SEC61A2: variants seen among roughly 807,000 people sequenced by gnomAD.
SEC61A2 encodes SEC61 translocon subunit alpha 2, also known as protein transport protein Sec61 subunit alpha isoform 2.
A neutral mutation model predicts 59.9 loss-of-function variants in SEC61A2; 28 were observed. The ratio of observed to expected loss-of-function variants is 0.47; its 90% CI spans 0.35 to 0.64. The LOEUF (loss-of-function observed/expected upper bound fraction) is 0.64. Among genes scored for constraint, SEC61A2 ranks in the 30% least tolerant of loss-of-function variants. The pLI is 0.01. For synonymous variants in SEC61A2, 202 were observed against 214.4 expected, an observed-to-expected ratio of 0.94 and a Z score of 0.50; for missense variants, 340 against 585.9, an observed-to-expected ratio of 0.58 and a Z score of 4.33.
downstream of SEC61A2, chr10:12,168,036 T>C: frequency 1.1e-6 from 1 of 870,856 alleles, no homozygotes; most frequent in Non-Finnish European, 1.6e-6. The surrounding 1 kb of genome is among the most constrained non-coding windows in gnomAD (Gnocchi z 4.8). Flanking sequence ...GATTTTTTTT[T>C]TTTTTGGTGA....
At position 12,164,132 on chromosome 10, in the gene SEC61A2, C is replaced by A; in HGVS notation, c.1245-136C>A. ...GCCGTGCCCTGCACACCCCTCCACA[C>A]TGCAGCCTGTTCCCTCTGGAGTTCA... On this transcript the variant is annotated intron_variant, in intron 11 of 11. Transcript: ENST00000298428. This position sits in a 1 kb window ranked among gnomAD's most constrained non-coding sequence, Gnocchi z 7.3. 1.0e-6 allele frequency: 1 copy of A among 962,758 alleles called. No homozygotes were observed. The highest frequency in any genetic ancestry group is 1.5e-6 in the Non-Finnish European group (1 of 657,570). The allele number at this position is 962,758 out of a possible 1,614,324, so 59.6% of individuals were successfully genotyped here.
chr10:12,161,298 G>A lies in SEC61A2; in HGVS notation c.1167+177G>A, dbSNP rs1834521769. 2.6e-5 allele frequency among the ~76,000 whole-genome samples: 4 copies of A among 152,042 alleles called. No homozygotes were observed. Among genetic ancestry groups the A allele is most frequent in the South Asian group, 2.1e-4 (1 of 4,828 alleles). ...GACTAAAAAAATACAAATAAAAATC[G>A]GCCGGGCACGGTGGTGCAAGCCCGT... On this transcript the variant is annotated intron_variant, in intron 10 of 11. Transcript: ENST00000298428. The surrounding 1 kb of genome is among the most constrained non-coding windows in gnomAD (Gnocchi z 5.4).
At position 12,153,558 on chromosome 10, in the gene SEC61A2, G is replaced by T. The variant is rs1834329506; in HGVS notation, c.463-2220G>T. Reference sequence around the variant, plus strand: ...TTTTGCTGTTCATTTTCAGTATTCAGAAATCAGAAATACTTACAGTCCAAG... The same window carrying T: ...TTTTGCTGTTCATTTTCAGTATTCATAAATCAGAAATACTTACAGTCCAAG... On this transcript the variant is annotated intron_variant, in intron 6 of 11. Coordinates refer to ENST00000298428, the MANE Select transcript of SEC61A2 (RefSeq NM_018144.4). The surrounding 1 kb of genome is among the most constrained non-coding windows in gnomAD (Gnocchi z 5.2). Among the ~76,000 whole-genome samples, 1 of 152,162 alleles carries T rather than the reference G, an allele frequency of 6.6e-6. No individual in the cohort carries two copies. Among genetic ancestry groups the T allele is most frequent in the African/African-American group, 2.4e-5 (1 of 41,438 alleles).
intron 3 of SEC61A2, among the ~76,000 whole-genome samples, chr10:12,140,066 AGCAGAAGTAAAGAATT>A (rs1232844855): frequency 2.6e-5 from 4 of 152,038 alleles, no homozygotes; most frequent in African/African-American, 9.7e-5. Flanking sequence ...GAGCTTTTGT[AGCAGAAGTAAAGAATT>A]GCAGAAGTAA....
intron 4 of SEC61A2, among the ~76,000 whole-genome samples, chr10:12,146,804 C>T (rs1229749438): frequency 6.6e-6 from 1 of 152,190 alleles, no homozygotes; most frequent in Non-Finnish European, 1.5e-5. Flanking sequence ...AGGTGTGAGC[C>T]ACCGCGCCCA....
chr10:12,151,011 G>A (rs1050606177), intron 6 of SEC61A2, among the ~76,000 whole-genome samples: 1 of 151,784 alleles, frequency 6.6e-6, no homozygotes, highest in Non-Finnish European at 1.5e-5. Context: ...TCCTGACCTC[G>A]TGATTCGCCC....
rs1834612551 is a variant in SEC61A2, at chr10:12,164,394, T to C, written c.1371T>C (p.Tyr457=). 1.2e-6 allele frequency: 2 copies of C among 1,614,030 alleles called. No individual in the cohort carries two copies. The highest frequency in any genetic ancestry group is 3.3e-5 in the Admixed American group (2 of 59,994). Residue 457 remains tyrosine, a synonymous_variant, in exon 12 of 12, where the codon TAT becomes TAC. Transcript: ENST00000298428. The surrounding 1 kb of genome is among the most constrained non-coding windows in gnomAD (Gnocchi z 7.3). ...ILLAVTIIYQ[Y]FEIFVKEQAE... ...TAGCAGTCACTATTATTTACCAGTATTTTGAAATATTTGTTAAAGAACAGG... is the reference window on the plus strand; with the variant it reads ...TAGCAGTCACTATTATTTACCAGTACTTTGAAATATTTGTTAAAGAACAGG...
intron 3 of SEC61A2, among the ~76,000 whole-genome samples, chr10:12,137,919 C>G (rs1209305246): frequency 2.0e-5 from 3 of 151,994 alleles, no homozygotes; most frequent in Non-Finnish European, 2.9e-5. Context: ...GGCAGGAGAA[C>G]CACTTGAACC....
Position 12,155,696 on chromosome 10 carries a change from C to A in SEC61A2, c.463-82C>A. On this transcript the variant is annotated intron_variant, in intron 6 of 11. Coordinates refer to ENST00000298428, the MANE Select transcript of SEC61A2 (RefSeq NM_018144.4). The surrounding 1 kb of genome is among the most constrained non-coding windows in gnomAD (Gnocchi z 4.3). ...GCCTTAATATTCAAAACGCCCCTAG[C>A]TTGGAAATAGCCAATGGTGTTCCTC... The A allele has an allele frequency of 6.6e-7, 1 of 1,525,392 alleles. No homozygotes were observed. Among genetic ancestry groups the A allele is most frequent in the Admixed American group, 1.7e-5 (1 of 58,132 alleles). 94.5% of individuals were successfully genotyped at this position (1,525,392 alleles called of 1,614,324 possible). A position where few individuals can be genotyped will look rare whatever the true frequency, so the allele number is the denominator to read the frequency against.
At chr10:12,167,881 G>A, downstream of SEC61A2, 1 of 1,597,572 alleles carries the variant, frequency 6.3e-7, no homozygotes, top group Non-Finnish European at 8.5e-7. Flanking sequence ...TTCAATCAGT[G>A]TTTGCGCAGC....
In SEC61A2 at chr10:12,164,328, T is replaced by C; in HGVS notation, c.1305T>C (p.Ala435=). ...GLCIGALSVL[A]DFLGAIGSGT... is the part of the protein sequence containing the mutation. ...GCATTGGCGCCCTGTCAGTGCTGGC[T>C]GACTTCCTGGGGGCCATTGGATCTG... Residue 435 remains alanine (A), a synonymous_variant, in exon 12 of 12, where the codon GCT becomes GCC. Coordinates refer to ENST00000298428, the MANE Select transcript of SEC61A2 (RefSeq NM_018144.4). This position sits in a 1 kb window ranked among gnomAD's most constrained non-coding sequence, Gnocchi z 7.3. The C allele has an allele frequency of 1.2e-6, 2 of 1,614,118 alleles. No homozygotes were observed. Among genetic ancestry groups the C allele is most frequent in the South Asian group, 2.2e-5 (2 of 91,082 alleles).
chr10:12,165,500 T>C (rs1308583328), downstream of SEC61A2: 1 of 341,036 alleles, frequency 2.9e-6, no homozygotes, highest in Non-Finnish European at 4.1e-6. Flanking sequence ...CACTTCAAAC[T>C]TTAATCCTAA....
chr10:12,165,643 T>C (rs1416590355), downstream of SEC61A2: 1 of 152,462 alleles, frequency 6.6e-6, no homozygotes, highest in East Asian at 1.9e-4. Context: ...GCATAGATCT[T>C]GGTAAATCAT....
rs1564416721 is a variant in SEC61A2, at chr10:12,160,936, A to C, written c.982A>C (p.Ser328Arg). The change falls in exon 10 of 12, where the codon AGT becomes CGT. Residue 328 changes from serine to arginine, a missense_variant. Coordinates refer to ENST00000298428, the MANE Select transcript of SEC61A2 (RefSeq NM_018144.4). The surrounding 1 kb of genome is among the most constrained non-coding windows in gnomAD (Gnocchi z 4.1). Reference protein sequence around the residue: ...VNLLGQWADVSGGGPARSYPV... With the variant: ...VNLLGQWADVRGGGPARSYPV... ...TTGTACTCCTGTTCTGTAGGATGTC[A>C]GTGGGGGAGGACCCGCACGTTCTTA... 1 of 1,612,240 alleles carries C rather than the reference A, an allele frequency of 6.2e-7. No homozygotes were observed. The highest frequency in any genetic ancestry group is 1.7e-5 in the Admixed American group (1 of 59,628).
At position 12,149,701 on chromosome 10, in the gene SEC61A2, A is replaced by G. The variant is rs756927243; in HGVS notation, c.327A>G (p.Arg109=). 2 of 1,612,932 alleles carry G rather than the reference A, an allele frequency of 1.2e-6. No homozygotes were observed. The highest frequency in any genetic ancestry group is 1.1e-5 in the South Asian group (1 of 90,760). The change falls in exon 5 of 12, where the codon AGA becomes AGG. Residue 109 remains arginine (R), a synonymous_variant. Coordinates refer to ENST00000298428, the MANE Select transcript of SEC61A2 (RefSeq NM_018144.4). The surrounding 1 kb of genome is among the most constrained non-coding windows in gnomAD (Gnocchi z 5.2). ...IIEVGDTPKD[R]ALFNGAQKLF... ...AAGTTGGAGATACACCGAAAGATAGAGCTTTATTCAATGGAGCCCAGAAAC... is the reference window on the plus strand; with the variant it reads ...AAGTTGGAGATACACCGAAAGATAGGGCTTTATTCAATGGAGCCCAGAAAC...
At position 12,129,870 on chromosome 10, in the gene SEC61A2, C is replaced by G; in HGVS notation, c.7+76C>G. 1.6e-6 allele frequency: 2 copies of G among 1,267,140 alleles called. No homozygotes were observed. The highest frequency in any genetic ancestry group is 2.0e-6 in the Non-Finnish European group (2 of 989,606). The allele number at this position is 1,267,140 out of a possible 1,614,324, so 78.5% of individuals were successfully genotyped here. On this transcript the variant is annotated intron_variant, in intron 1 of 11. Transcript: ENST00000298428. This position sits in a 1 kb window ranked among gnomAD's most constrained non-coding sequence, Gnocchi z 5.6. ...CCTGGGCTGCGGGCGGTGGGGCTGG[C>G]GCTCGCTCGGAGTCGTGGGGGCCAG...
At chr10:12,150,125 CCTT>C (rs1437121321) in intron 6 of SEC61A2, among the ~76,000 whole-genome samples, 164 bp downstream of exon 6, 1 of 152,088 alleles carries the variant, frequency 6.6e-6, no homozygotes, top group Non-Finnish European at 1.5e-5. Flanking sequence ...TTTTTTAAAA[CCTT>C]CTGTCACCGT....
In SEC61A2 at chr10:12,165,380, G is replaced by A. The variant is rs1834644987; in HGVS notation, c.*926G>A. The stretch of plus-strand genomic sequence containing the variant: ...TTAAGAAAACTGATTCAGTTGTGTT[G>A]GAAAAAATAAAGAAATCTGATATTA... On this transcript the variant is annotated 3_prime_UTR_variant, in exon 12 of 12. Transcript: ENST00000298428. 3.1e-6 allele frequency: 3 copies of A among 969,638 alleles called. No individual in the cohort carries two copies. Among genetic ancestry groups the A allele is most frequent in the Non-Finnish European group, 3.7e-6 (3 of 815,782 alleles). The allele number at this position is 969,638 out of a possible 1,614,324, so 60.1% of individuals were successfully genotyped here. A position where few individuals can be genotyped will look rare whatever the true frequency, so the allele number is the denominator to read the frequency against.
Position 12,153,751 on chromosome 10 carries a change from T to G in SEC61A2, c.463-2027T>G. ...TGTCTTTTCAAGGCGTTACTAACATTGAAAATATGTGGATACACTGAAGAG... is the reference window on the plus strand; with the variant it reads ...TGTCTTTTCAAGGCGTTACTAACATGGAAAATATGTGGATACACTGAAGAG... On this transcript the variant is annotated intron_variant, in intron 6 of 11. Transcript: ENST00000298428. This position sits in a 1 kb window ranked among gnomAD's most constrained non-coding sequence, Gnocchi z 5.2. 6.2e-7 allele frequency: 1 copy of G among 1,611,420 alleles called. No individual in the cohort carries two copies. The highest frequency in any genetic ancestry group is 8.5e-7 in the Non-Finnish European group (1 of 1,179,442).
Sources: gnomAD v4.1 joint callset for allele counts (sites outside exome capture counted in the v4.1 genomes callset) on GRCh38, gnomAD v4.1.1 for gene constraint, Gnocchi (gnomAD v3.1) non-coding constraint, MANE v1.5 for transcripts, NCBI Gene and HGNC (gene_info 2026-07-23, HGNC 2026-07-21) for gene names.